Variants in PRTG observed in about 807,000 individuals in gnomAD.
The protein encoded by PRTG is protogenin.
Under a neutral mutation model 122.5 loss-of-function variants are expected in PRTG, and 67 were observed. The observed-to-expected ratio is 0.55, with a 90% confidence interval of 0.45 to 0.67. The LOEUF (loss-of-function observed/expected upper bound fraction) is 0.67, where lower values mean the gene tolerates loss of function less well. PRTG is among the 30% of genes least tolerant of loss of function. PRTG has a pLI of 0.00. For missense variants in PRTG, 1,435 were observed against 1,415.4 expected (o/e 1.01, Z -0.22); for synonymous variants, 554 against 501.1 (o/e 1.11, Z -1.41).
At position 55,619,853 on chromosome 15, in the gene PRTG, A is replaced by C; in HGVS notation, c.*159T>G. On this transcript the variant is annotated 3_prime_UTR_variant, in exon 20 of 20. Coordinates refer to ENST00000389286, the MANE Select transcript of PRTG (RefSeq NM_173814.6). ...GATTTAATGGTGAGAATACCTGAGCATGGCCGTCTAGATTGGAAAATCATT... is the reference window on the plus strand; with the variant it reads ...GATTTAATGGTGAGAATACCTGAGCCTGGCCGTCTAGATTGGAAAATCATT... 8.2e-7 allele frequency: 1 copy of C among 1,215,760 alleles called. No individual in the cohort carries two copies. The highest frequency in any genetic ancestry group is 1.1e-6 in the Non-Finnish European group (1 of 884,128). 75.3% of individuals were successfully genotyped at this position (1,215,760 alleles called of 1,614,324 possible). A position where few individuals can be genotyped will look rare whatever the true frequency, so the allele number is the denominator to read the frequency against.
At chr15:55,662,621 T>C (rs916929231) in intron 11 of PRTG, among the ~76,000 whole-genome samples, 3 of 152,178 alleles carry the variant, frequency 2.0e-5, no homozygotes, top group East Asian at 1.9e-4. Context: ...CTTACCTATA[T>C]TGAAAAATTT....
Position 55,673,643 on chromosome 15 carries a change from C to G in PRTG, c.1580G>C (p.Ser527Thr). ...PLRPPEISLT[S>T]RSPTDILISW... ...GATGAGAATATCAGTGGGACTTCGA[C>G]TTGTCAAACTAATTTCAGGAGGTCT... is the stretch of plus-strand genomic sequence containing the variant. The change falls in exon 10 of 20, where the codon AGT (serine) becomes ACT (threonine). Residue 527 changes from serine to threonine, a missense_variant. Coordinates refer to ENST00000389286, the MANE Select transcript of PRTG (RefSeq NM_173814.6). 6.2e-7 allele frequency: 1 copy of G among 1,614,052 alleles called. No homozygotes were observed. The highest frequency in any genetic ancestry group is 8.5e-7 in the Non-Finnish European group (1 of 1,179,934).
intron 11 of PRTG, among the ~76,000 whole-genome samples, chr15:55,653,523 G>T (rs1291103370): frequency 6.6e-6 from 1 of 151,666 alleles, no homozygotes; most frequent in Non-Finnish European, 1.5e-5. Context: ...GAGTGCAATG[G>T]TGCGATCTCG....
chr15:55,621,548 G>T (rs990510851), intron 18 of PRTG, among the ~76,000 whole-genome samples: 1 of 151,124 alleles, frequency 6.6e-6, no homozygotes, highest in African/African-American at 2.4e-5. Flanking sequence ...AGTTCCAGCT[G>T]CTGGGGAGGC....
At chr15:55,715,836 G>A (rs1251493934) in intron 2 of PRTG, among the ~76,000 whole-genome samples, 1 of 152,230 alleles carries the variant, frequency 6.6e-6, no homozygotes, top group Non-Finnish European at 1.5e-5. Flanking sequence ...AACTCCAAGT[G>A]AGAGAAACCT....
At chr15:55,629,419 G>T (rs2059215063) in intron 15 of PRTG, among the ~76,000 whole-genome samples, 1 of 134,534 alleles carries the variant, frequency 7.4e-6, no homozygotes, top group African/African-American at 3.1e-5. Flanking sequence ...GTGTGTGTGT[G>T]TGTGTGTGTG....
At chr15:55,676,357 G>T (rs1287065705) in intron 8 of PRTG, among the ~76,000 whole-genome samples, 1 of 152,008 alleles carries the variant, frequency 6.6e-6, no homozygotes, top group Non-Finnish European at 1.5e-5. Flanking sequence ...GTCTTTGTAG[G>T]ATTTAATTCC....
intron 11 of PRTG, among the ~76,000 whole-genome samples, chr15:55,648,175 C>T (rs1333006877): frequency 6.6e-6 from 1 of 152,128 alleles, no homozygotes; most frequent in Non-Finnish European, 1.5e-5. Flanking sequence ...AAAGGGAAAT[C>T]TGGAAGAATT....
chr15:55,724,899 C>T (rs577703631), intron 2 of PRTG, among the ~76,000 whole-genome samples: 1 of 152,302 alleles, frequency 6.6e-6, no homozygotes, highest in South Asian at 2.1e-4. Flanking sequence ...CATTGACCTA[C>T]TCTAAAACAG....
chr15:55,628,783 T>G (rs780591644), intron 16 of PRTG, 39 bp downstream of exon 16: 2 of 1,523,118 alleles, frequency 1.3e-6, no homozygotes, highest in Non-Finnish European at 1.8e-6. Context: ...ACACTTTTTT[T>G]CTTAAGAAAA....
chr15:55,727,686 C>T (rs776046199), intron 2 of PRTG, among the ~76,000 whole-genome samples: 2 of 152,046 alleles, frequency 1.3e-5, no homozygotes, highest in Non-Finnish European at 2.9e-5. Flanking sequence ...GTCCCAGCTA[C>T]TCGTGAGGCT....
At chr15:55,740,788 G>A (rs1014153334) in intron 1 of PRTG, 104 bp from the exon 2 acceptor site, 3 of 974,956 alleles carry the variant, frequency 3.1e-6, no homozygotes, top group Non-Finnish European at 4.5e-6. Context: ...AGATGACGAA[G>A]TTTAATAAAT....
chr15:55,727,169 G>T (rs1481763867), intron 2 of PRTG, among the ~76,000 whole-genome samples: 1 of 151,478 alleles, frequency 6.6e-6, no homozygotes, highest in African/African-American at 2.4e-5. Flanking sequence ...CTAGAGTGGT[G>T]ATAAATGAAA....
At chr15:55,715,492 G>A (rs111591347) in intron 2 of PRTG, among the ~76,000 whole-genome samples, 2 of 152,332 alleles carry the variant, frequency 1.3e-5, no homozygotes, top group Admixed American at 6.5e-5. Flanking sequence ...GGGGCCTTGA[G>A]AGTATGTGAA....
intron 15 of PRTG, among the ~76,000 whole-genome samples, chr15:55,636,074 T>A (rs59647323): frequency 6.6e-6 from 1 of 151,412 alleles, no homozygotes; most frequent in Non-Finnish European, 1.5e-5. Context: ...TGTGCATGCC[T>A]GTAATCCCAG....
At chr15:55,637,963 T>A (rs749815858) in intron 14 of PRTG, among the ~76,000 whole-genome samples, 1 of 152,202 alleles carries the variant, frequency 6.6e-6, no homozygotes, top group Non-Finnish European at 1.5e-5. Flanking sequence ...AAGTCCTATG[T>A]TCACTGTCAT....
chr15:55,709,464 G>A (rs2030294534), intron 2 of PRTG, among the ~76,000 whole-genome samples: 1 of 150,912 alleles, frequency 6.6e-6, no homozygotes, highest in African/African-American at 2.4e-5. Context: ...CAGTTTGGCA[G>A]TTTCCTAAAA....
chr15:55,638,226 TAACA>T (rs780640021), intron 14 of PRTG, among the ~76,000 whole-genome samples: 55 of 152,218 alleles, frequency 3.6e-4, no homozygotes, highest in African/African-American at 1.7e-4. Flanking sequence ...CTAAGATCAT[TAACA>T]AACATATTAT....
At chr15:55,726,920 C>A (rs1203811703) in intron 2 of PRTG, among the ~76,000 whole-genome samples, 2 of 149,452 alleles carry the variant, frequency 1.3e-5, no homozygotes, top group African/African-American at 4.9e-5. Flanking sequence ...TGCATTCCAG[C>A]CCAGGCAACA....
Sources: gnomAD v4.1 joint callset for allele counts (sites outside exome capture counted in the v4.1 genomes callset) on GRCh38, gnomAD v4.1.1 for gene constraint, MANE v1.5 for transcripts, NCBI Gene and HGNC (gene_info 2026-07-23, HGNC 2026-07-21) for gene names.